DOCK1: variants seen among roughly 807,000 people sequenced by gnomAD.
The protein encoded by DOCK1 is dedicator of cytokinesis protein 1.
DOCK1 carries 138 observed loss-of-function variants against 262.7 expected under a neutral mutation model. The observed-to-expected ratio is 0.53, with a 90% CI of 0.46 to 0.61. The LOEUF (loss-of-function observed/expected upper bound fraction) is 0.61. DOCK1 is among the 20% of genes least tolerant of loss of function. The pLI is 0.00. For synonymous variants in DOCK1, 866 were observed against 867.4 expected (o/e 1.00, Z 0.03); for missense variants, 1,908 against 2,370.7 (o/e 0.80, Z 4.05).
intron 38 of DOCK1, among the ~76,000 whole-genome samples, chr10:127,399,571 T>C (rs1590894937): frequency 2.4e-5 from 3 of 125,812 alleles, no homozygotes; most frequent in Admixed American, 7.6e-5. Context: ...TGAGAAGATA[T>C]TTACTCATGA....
intron 21 of DOCK1, among the ~76,000 whole-genome samples, chr10:127,050,647 G>A (rs2044660941): frequency 6.6e-6 from 1 of 151,486 alleles, no homozygotes. Context: ...GGAGGTTTCA[G>A]TGAGCTGAGA....
At chr10:127,411,383 A>T (rs1234344317) in intron 43 of DOCK1, among the ~76,000 whole-genome samples, 1 of 152,064 alleles carries the variant, frequency 6.6e-6, no homozygotes, top group East Asian at 1.9e-4. Context: ...ACTTCAGTGG[A>T]GCACAACACA....
At chr10:127,052,383 G>A (rs1008763708) in intron 21 of DOCK1, among the ~76,000 whole-genome samples, 1 of 152,178 alleles carries the variant, frequency 6.6e-6, no homozygotes, top group Non-Finnish European at 1.5e-5. Context: ...AATTAGCTGG[G>A]CGAGGCGGCG....
intron 27 of DOCK1, among the ~76,000 whole-genome samples, chr10:127,234,304 T>A (rs980190410): frequency 2.2e-4 from 34 of 152,146 alleles, no homozygotes; most frequent in African/African-American, 7.7e-4. Context: ...GGAAAAATAG[T>A]TTGGAAGTAA....
chr10:127,304,708 G>A (rs1372809272), intron 29 of DOCK1, among the ~76,000 whole-genome samples: 2 of 152,048 alleles, frequency 1.3e-5, no homozygotes, highest in Non-Finnish European at 2.9e-5. Context: ...AACATAGGGA[G>A]ACCTCATCTC....
At chr10:127,060,995 G>A (rs1006538157) in intron 22 of DOCK1, among the ~76,000 whole-genome samples, 3 of 152,210 alleles carry the variant, frequency 2.0e-5, no homozygotes, top group Non-Finnish European at 2.9e-5. Context: ...TTGGGAGGCC[G>A]AGGCAAGTGG....
chr10:127,110,190 A>G, intron 24 of DOCK1, 58 bp from the exon 25 acceptor site: 1 of 1,420,188 alleles, frequency 7.0e-7, no homozygotes, highest in Non-Finnish European at 9.8e-7. Context: ...TATTGTAACA[A>G]CATTGGATCC....
At chr10:127,038,717 G>A (rs2043823280) in intron 19 of DOCK1, among the ~76,000 whole-genome samples, 1 of 146,712 alleles carries the variant, frequency 6.8e-6, no homozygotes, top group African/African-American at 2.5e-5. Context: ...TTATCTGTGA[G>A]AGAGGGCAGT....
chr10:127,042,916 A>G, intron 20 of DOCK1, 148 bp from the exon 21 acceptor site: 1 of 815,332 alleles, frequency 1.2e-6, no homozygotes, highest in South Asian at 1.9e-5. Flanking sequence ...TGTCATTTCT[A>G]GGGTAAGAAA....
chr10:126,909,095 C>T (rs2133996777), intron 1 of DOCK1, among the ~76,000 whole-genome samples: 1 of 152,260 alleles, frequency 6.6e-6, no homozygotes, highest in South Asian at 2.1e-4. Flanking sequence ...TATTCAGGAC[C>T]ATCCACGTGG....
chr10:127,103,942 A>G (rs1299787670), intron 23 of DOCK1, among the ~76,000 whole-genome samples: 1 of 152,108 alleles, frequency 6.6e-6, no homozygotes, highest in East Asian at 1.9e-4. Context: ...ATGTTGTAGG[A>G]ATTCTGTTTT....
chr10:127,088,695 T>C (rs529679533), intron 23 of DOCK1, among the ~76,000 whole-genome samples: 3 of 152,296 alleles, frequency 2.0e-5, no homozygotes, highest in African/African-American at 7.2e-5. Context: ...GCATTTATGC[T>C]GACCTTTTCA....
At chr10:127,387,883 C>T (rs1317304385) in intron 38 of DOCK1, among the ~76,000 whole-genome samples, 1 of 149,372 alleles carries the variant, frequency 6.7e-6, no homozygotes, top group Non-Finnish European at 1.5e-5. Flanking sequence ...GCAAAGGTAG[C>T]CAAATATCTT....
intron 27 of DOCK1, among the ~76,000 whole-genome samples, chr10:127,140,264 C>A (rs577501961): frequency 2.6e-5 from 4 of 152,180 alleles, no homozygotes; most frequent in Non-Finnish European, 5.9e-5. Context: ...ACAGAGTAAT[C>A]TAATCTGAGT....
At position 127,249,422 on chromosome 10, in the gene DOCK1, CATAT is replaced by C. The variant is rs1243856073; in HGVS notation, c.2949+1321_2949+1324del. 1.7e-4 allele frequency among the ~76,000 whole-genome samples: 11 copies of C among 65,528 alleles called. No individual in the cohort carries two copies. The East Asian group carries it at 2.5e-3, about 15-fold the overall frequency. 43.0% of individuals were successfully genotyped at this position (65,528 alleles called of 152,430 possible). A position where few individuals can be genotyped will look rare whatever the true frequency, so the allele number is the denominator to read the frequency against. ...ATATATACATATATATATACATGTACATATATATATACACACACACACACACACA... is the reference window on the plus strand; with the variant it reads ...ATATATACATATATATATACATGTACATATATACACACACACACACACACA... On this transcript the variant is annotated intron_variant, in intron 28 of 51. Coordinates refer to ENST00000623213, the MANE Select transcript of DOCK1 (RefSeq NM_001290223.2).
At chr10:127,384,615 G>A (rs2066000732) in intron 37 of DOCK1, among the ~76,000 whole-genome samples, 175 bp from the exon 38 acceptor site, 1 of 152,198 alleles carries the variant, frequency 6.6e-6, no homozygotes, top group African/African-American at 2.4e-5. Context: ...TGTCTTTTAT[G>A]CCTGTCGGTA....
At chr10:127,397,729 CCCGGGCAGCGA>C (rs1368610576) in intron 38 of DOCK1, among the ~76,000 whole-genome samples, 172 of 151,750 alleles carry the variant, frequency 1.1e-3, no homozygotes, top group African/African-American at 1.4e-3. Context: ...TCCTGTGTGA[CCCGGGCAGCGA>C]CTCCTGTATG....
In DOCK1 at chr10:127,100,227, G is replaced by A. The variant is rs1361796014; in HGVS notation, c.2446-6004G>A. Reference sequence around the variant, plus strand: ...GCGTGGAGGCAGGGAGGGCGGGTAGGAGGCTGTGGCAGCAAAGCCAATGGG... The same window carrying A: ...GCGTGGAGGCAGGGAGGGCGGGTAGAAGGCTGTGGCAGCAAAGCCAATGGG... On this transcript the variant is annotated intron_variant, in intron 23 of 51. Transcript: ENST00000623213. The surrounding 1 kb of genome is among the most constrained non-coding windows in gnomAD (Gnocchi z 5.5). 6.6e-6 allele frequency among the ~76,000 whole-genome samples: 1 copy of A among 152,222 alleles called. No individual in the cohort carries two copies. Among genetic ancestry groups the A allele is most frequent in the Non-Finnish European group, 1.5e-5 (1 of 68,034 alleles).
chr10:127,396,114 T>TTC (rs1252924799), intron 38 of DOCK1, among the ~76,000 whole-genome samples: 3 of 139,826 alleles, frequency 2.1e-5, no homozygotes, highest in East Asian at 2.0e-4. Context: ...GCTGGGTGTA[T>TTC]AGAGAGTCCT....
Sources: allele counts gnomAD v4.1 joint callset (sites outside exome capture counted in the v4.1 genomes callset), GRCh38; gene constraint gnomAD v4.1.1; non-coding constraint Gnocchi (gnomAD v3.1); transcripts MANE v1.5; gene names NCBI Gene and HGNC (gene_info 2026-07-23, HGNC 2026-07-21).